The following DNAH11 variants were observed in gnomAD, a reference collection of about 807,000 sequenced individuals.
DNAH11 encodes the protein dynein axonemal heavy chain 11.
In DNAH11, 442 loss-of-function variants were observed where a neutral mutation model predicts 526.0. The ratio of observed to expected loss-of-function variants is 0.84; its 90% CI spans 0.78 to 0.91. The LOEUF (loss-of-function observed/expected upper bound fraction) is 0.91, where lower values mean the gene tolerates loss of function less well. Among genes scored for constraint, DNAH11 ranks in the 40% least tolerant of loss-of-function variants. DNAH11 has a pLI of 0.00. For missense variants in DNAH11, 6,989 were observed against 5,448.7 expected (o/e 1.28, Z -8.90); for synonymous variants, 2,461 against 1,935.9 (o/e 1.27, Z -7.12).
chr7:21,744,914 CCA>C lies in DNAH11; in HGVS notation c.8363_8364del (p.His2788LeufsTer3). 2 of 1,610,560 alleles carry C rather than the reference CCA, an allele frequency of 1.2e-6. No homozygotes were observed. The highest frequency in any genetic ancestry group is 1.7e-6 in the Non-Finnish European group (2 of 1,178,376). Reference sequence around the variant, plus strand: ...TGCTTCAACAGCCCCTCATTTATTGCCACTTTGCTGATAGAGGGAAGGACCCA... The same window carrying C: ...TGCTTCAACAGCCCCTCATTTATTGCCTTTGCTGATAGAGGGAAGGACCCA... ...MLLQQPLIYC[H>X]FADRGKDPHY... On this transcript the variant is annotated frameshift_variant, in exon 51 of 82. Transcript: ENST00000409508. LOFTEE classifies it high-confidence loss of function.
chr7:21,669,637 T>C (rs1246296603), intron 30 of DNAH11, among the ~76,000 whole-genome samples: 3 of 148,376 alleles, frequency 2.0e-5, no homozygotes, highest in African/African-American at 7.5e-5. Flanking sequence ...TTTTGTGTCT[T>C]TTTAAAAATG....
At chr7:21,609,225 T>A (rs893760430) in intron 20 of DNAH11, among the ~76,000 whole-genome samples, 1 of 152,156 alleles carries the variant, frequency 6.6e-6, no homozygotes, top group Non-Finnish European at 1.5e-5. Context: ...TTTCTTTTCT[T>A]TTCTTTCTTT....
chr7:21,719,937 C>A (rs978901310), intron 43 of DNAH11, among the ~76,000 whole-genome samples: 2 of 152,212 alleles, frequency 1.3e-5, no homozygotes, highest in Admixed American at 1.3e-4. Context: ...AGAACCTGTT[C>A]ATTACTGGTT....
At chr7:21,765,154 C>T (rs1341072066) in intron 54 of DNAH11, among the ~76,000 whole-genome samples, 1 of 151,486 alleles carries the variant, frequency 6.6e-6, no homozygotes, top group East Asian at 1.9e-4. Context: ...TAAAATTTTC[C>T]CCTATTAATG....
chr7:21,789,763 C>CTCTTTCTTTCTTTCTTTCTT lies in DNAH11; in HGVS notation c.10026+447_10026+466dup, dbSNP rs1554281334. 2.8e-3 allele frequency among the ~76,000 whole-genome samples: 203 copies of CTCTTTCTTTCTTTCTTTCTT among 73,030 alleles called. 6 individuals are homozygous for CTCTTTCTTTCTTTCTTTCTT. Among genetic ancestry groups the CTCTTTCTTTCTTTCTTTCTT allele is most frequent in the South Asian group, 5.5e-3 (10 of 1,834 alleles). 47.9% of individuals were successfully genotyped at this position (73,030 alleles called of 152,430 possible). A position where few individuals can be genotyped will look rare whatever the true frequency, so the allele number is the denominator to read the frequency against. ...ATTATAATAATAAGCATTTCTTTCT[C>CTCTTTCTTTCTTTCTTTCTT]TCTTTCTTTCTTTCTTTCTTTCTTT... On this transcript the variant is annotated intron_variant, in intron 61 of 81. Coordinates refer to ENST00000409508, the MANE Select transcript of DNAH11 (RefSeq NM_001277115.2).
rs749212763 is a variant in DNAH11, at chr7:21,558,770, A to T, written c.496-32A>T. ...ATCTTTGAAGGAATGCATTGTCTGT[A>T]AATTAATTTAACTATGTTTCTCTTT... On this transcript the variant is annotated intron_variant, in intron 2 of 81. Transcript: ENST00000409508. The T allele has an allele frequency of 9.3e-6, 14 of 1,498,358 alleles. No homozygotes were observed. The African/African-American group carries it at 2.0e-4, about 21-fold the overall frequency. 92.8% of individuals were successfully genotyped at this position (1,498,358 alleles called of 1,614,324 possible). A position where few individuals can be genotyped will look rare whatever the true frequency, so the allele number is the denominator to read the frequency against.
intron 32 of DNAH11, among the ~76,000 whole-genome samples, chr7:21,685,107 A>G (rs891151317): frequency 2.0e-5 from 3 of 152,200 alleles, no homozygotes; most frequent in Non-Finnish European, 4.4e-5. Context: ...AGTTTCTATA[A>G]TTATGTCTAA....
rs567891427 is a variant in DNAH11 at position 21,670,889 on chromosome 7, T to C, written c.5329-10657T>C. Among the ~76,000 whole-genome samples the C allele has an allele frequency of 3.3e-5, 5 of 152,154 alleles. No homozygotes were observed. The East Asian group carries it at 9.7e-4, about 29-fold the overall frequency. ...GTACGTGTGTGTGTGTGTGTGTGTG[T>C]GTGTATTTTTGGCTGGATTCTATTT... On this transcript the variant is annotated intron_variant, in intron 30 of 81. Transcript: ENST00000409508.
In DNAH11 at chr7:21,558,953, C is replaced by T. The variant is rs375238384; in HGVS notation, c.647C>T (p.Thr216Ile). The change falls in exon 3 of 82, where the codon ACT becomes ATT. Residue 216 changes from threonine (T) to isoleucine (I), a missense_variant. By Grantham distance (89) the Thr-to-Ile change is moderately conservative (BLOSUM62 -1). Transcript: ENST00000409508. ...AGAAGAACTCTTCTACCAATTCCCA[C>T]TGTTGCAGGAAAGATGGATCTGGAT... ...MSRRTLLPIP[T>I]VAGKMDLDQN... The T allele has an allele frequency of 1.7e-5, 27 of 1,593,500 alleles. No individual in the cohort carries two copies. The highest frequency in any genetic ancestry group is 1.3e-4 in the African/African-American group (10 of 74,600).
chr7:21,605,022 A>G (rs1432976181), intron 18 of DNAH11, among the ~76,000 whole-genome samples: 1 of 152,232 alleles, frequency 6.6e-6, no homozygotes, highest in African/African-American at 2.4e-5. Context: ...ATTCCATAAC[A>G]CATAGACCTC....
chr7:21,710,450 G>C (rs1203874199), intron 40 of DNAH11, 103 bp from the exon 41 acceptor site: 20 of 1,006,776 alleles, frequency 2.0e-5, no homozygotes, highest in Non-Finnish European at 2.9e-5. Flanking sequence ...CCGCAAGAAA[G>C]AGGCAGCAAA....
rs753829743 is a variant in DNAH11 at position 21,787,477 on chromosome 7, A to T, written c.9818A>T (p.Glu3273Val). 2 of 1,613,846 alleles carry T rather than the reference A, an allele frequency of 1.2e-6. No individual in the cohort carries two copies. The highest frequency in any genetic ancestry group is 1.7e-6 in the Non-Finnish European group (2 of 1,179,768). ...GAGAACTGTCTAAAAGTGGTGAATG[A>T]ACACTATTTGAAAGACCCAGAGTTT... ...IPENCLKVVNEHYLKDPEFNP... is the reference protein window; with the variant it reads ...IPENCLKVVNVHYLKDPEFNP... The change falls in exon 60 of 82, where the codon GAA (glutamate) becomes GTA (valine). Residue 3273 changes from glutamate to valine, a missense_variant. Physicochemically the swap from Glu to Val is moderately radical, Grantham distance 121 (BLOSUM62 -2). Transcript: ENST00000409508.
chr7:21,864,363 T>C (rs1037580388), intron 69 of DNAH11, among the ~76,000 whole-genome samples, 172 bp from the exon 70 acceptor site: 1 of 152,212 alleles, frequency 6.6e-6, no homozygotes, highest in Admixed American at 6.5e-5. Context: ...GGTTTTGAGA[T>C]CATTGACATA....
intron 61 of DNAH11, among the ~76,000 whole-genome samples, chr7:21,790,809 C>G (rs1267427832): frequency 6.6e-6 from 1 of 152,172 alleles, no homozygotes; most frequent in Admixed American, 6.5e-5. Context: ...GAATCATGAA[C>G]AGGGAAATCA....
chr7:21,764,047 G>A (rs1787055958), intron 54 of DNAH11, among the ~76,000 whole-genome samples: 1 of 152,024 alleles, frequency 6.6e-6, no homozygotes, highest in Non-Finnish European at 1.5e-5. Flanking sequence ...AGGGGAAATA[G>A]AGAGTTTCCA....
chr7:21,656,016 G>A, intron 29 of DNAH11, 35 bp downstream of exon 29: 1 of 1,541,374 alleles, frequency 6.5e-7, no homozygotes, highest in Non-Finnish European at 8.8e-7. Context: ...TATGCTAGGG[G>A]AGTATTTTCA....
intron 50 of DNAH11, 42 bp downstream of exon 50, chr7:21,744,641 C>T (rs1208368702): frequency 6.2e-7 from 1 of 1,602,730 alleles, no homozygotes; most frequent in East Asian, 2.2e-5. Context: ...ACTCCAACAC[C>T]AACTGGGTAT....
rs768863196 is a variant in DNAH11, at chr7:21,750,251, G to C, written c.8827G>C (p.Asp2943His). Residue 2943 changes from aspartate to histidine, a missense_variant, in exon 54 of 82, where the codon GAT becomes CAT. Transcript: ENST00000409508. ...GEIPDLFSDE[D>H]VDKIISGIHN... The stretch of plus-strand genomic sequence containing the variant: ...AATCCCAGATCTGTTCAGCGATGAA[G>C]ATGTGGACAAGATAATTTCTGGAAT... The C allele has an allele frequency of 6.2e-7, 1 of 1,606,434 alleles. No homozygotes were observed. Among genetic ancestry groups the C allele is most frequent in the East Asian group, 2.2e-5 (1 of 44,678 alleles).
intron 45 of DNAH11, among the ~76,000 whole-genome samples, chr7:21,732,959 G>T (rs1002844200): frequency 6.6e-6 from 1 of 152,186 alleles, no homozygotes; most frequent in Non-Finnish European, 1.5e-5. Context: ...TCAGGCCTGG[G>T]CAGTGGGGCT....
Sources: gnomAD v4.1 joint callset for allele counts (sites outside exome capture counted in the v4.1 genomes callset) on GRCh38, gnomAD v4.1.1 for gene constraint, MANE v1.5 for transcripts, NCBI Gene and HGNC (gene_info 2026-07-23, HGNC 2026-07-21) for gene names.